DMXL1: variants seen among roughly 807,000 people sequenced by gnomAD.
The protein encoded by DMXL1 is Dmx like 1, also known as dmX-like protein 1.
In DMXL1, 99 loss-of-function variants were observed where a neutral mutation model predicts 319.2. The observed-to-expected ratio is 0.31, with a 90% CI of 0.26 to 0.37. DMXL1 has a LOEUF of 0.37. Among genes scored for constraint, DMXL1 ranks in the 10% least tolerant of loss-of-function variants. The probability of loss-of-function intolerance (pLI) is 1.00; values close to 1 mark genes in which losing one functional copy is unlikely to be tolerated. For synonymous variants in DMXL1, 1,385 were observed against 1,235.2 expected, an observed-to-expected ratio of 1.12 and a Z score of -2.54; for missense variants, 3,745 against 3,595.6, an observed-to-expected ratio of 1.04 and a Z score of -1.06.
At chr5:119,196,279 C>G (rs1480253710) in intron 30 of DMXL1, 92 bp from the exon 31 acceptor site, 3 of 947,872 alleles carry the variant, frequency 3.2e-6, no homozygotes, top group South Asian at 1.3e-5. Flanking sequence ...CAGGTTGATT[C>G]CTGATAGTGG....
rs988314534 is a variant in DMXL1, at chr5:119,248,205, C to T, written c.*986C>T. The T allele has an allele frequency of 6.6e-6, 1 of 152,098 alleles. No homozygotes were observed. Among genetic ancestry groups the T allele is most frequent in the Non-Finnish European group, 1.5e-5 (1 of 67,880 alleles). 9.4% of individuals were successfully genotyped at this position (152,098 alleles called of 1,614,324 possible). A position where few individuals can be genotyped will look rare whatever the true frequency, so the allele number is the denominator to read the frequency against. ...CTTTTAATCTCAAAATTCTGAAAAG[C>T]GAATAGCAGTGTTTTCAGAAACAAA... On this transcript the variant is annotated 3_prime_UTR_variant, in exon 44 of 44. Coordinates refer to ENST00000539542, the MANE Select transcript of DMXL1 (RefSeq NM_001290321.3).
Position 119,125,633 on chromosome 5 carries a change from C to T in DMXL1, c.1103-3578C>T, listed in dbSNP as rs190276330. Among the ~76,000 whole-genome samples, 120 of 151,434 alleles carry T rather than the reference C, an allele frequency of 7.9e-4. 1 individual carries two copies. Among genetic ancestry groups the T allele is most frequent in the East Asian group, 5.7e-3 (29 of 5,124 alleles). ...AGGCTGAAGTGCAATGGTGTGATCT[C>T]GGCTCACAGCAAACTCCACCTCCCG... On this transcript the variant is annotated intron_variant, in intron 9 of 43. Coordinates refer to ENST00000539542, the MANE Select transcript of DMXL1 (RefSeq NM_001290321.3).
intron 19 of DMXL1, among the ~76,000 whole-genome samples, chr5:119,157,564 T>C (rs945920167): frequency 6.6e-6 from 1 of 152,338 alleles, no homozygotes; most frequent in East Asian, 1.9e-4. Flanking sequence ...CCCAGCACCA[T>C]TTTTTGAAGA....
At chr5:119,078,310 C>T (rs1751447474) in intron 1 of DMXL1, among the ~76,000 whole-genome samples, 1 of 152,086 alleles carries the variant, frequency 6.6e-6, no homozygotes, top group African/African-American at 2.4e-5. Context: ...CACAAACTTT[C>T]TAGTATTAAG....
At chr5:119,189,244 A>G (rs969720896) in intron 28 of DMXL1, among the ~76,000 whole-genome samples, 15 of 152,110 alleles carry the variant, frequency 9.9e-5, no homozygotes, top group Non-Finnish European at 1.9e-4. Context: ...ATGGTGCCTG[A>G]ATTTTGTTTA....
chr5:119,186,234 AGT>A (rs1429566391), intron 28 of DMXL1, among the ~76,000 whole-genome samples: 3 of 152,112 alleles, frequency 2.0e-5, no homozygotes, highest in Non-Finnish European at 4.4e-5. Context: ...AGAAATAGAG[AGT>A]GAGACCTGCT....
In DMXL1 at chr5:119,134,196, T is replaced by C. The variant is rs374401744; in HGVS notation, c.2254+18T>C. ...TTGTCTGGGTAAGTATTCTGGTTTTTATTACAGTAATTTAGATTTGCTGAC... is the reference window on the plus strand; with the variant it reads ...TTGTCTGGGTAAGTATTCTGGTTTTCATTACAGTAATTTAGATTTGCTGAC... On this transcript the variant is annotated intron_variant, in intron 12 of 43. Transcript: ENST00000539542. 10 of 1,607,538 alleles carry C rather than the reference T, an allele frequency of 6.2e-6. No individual in the cohort carries two copies. In the African/African-American group the frequency reaches 1.1e-4, roughly 17 times the overall value.
Position 119,113,870 on chromosome 5 carries a change from A to G in DMXL1, c.498-605A>G, listed in dbSNP as rs375068147. Among the ~76,000 whole-genome samples, 139 of 152,328 alleles carry G rather than the reference A, an allele frequency of 9.1e-4. 1 individual carries two copies. Among genetic ancestry groups the G allele is most frequent in the African/African-American group, 3.2e-3 (135 of 41,574 alleles). On this transcript the variant is annotated intron_variant, in intron 5 of 43. Transcript: ENST00000539542. Reference sequence around the variant, plus strand: ...AATAAATTTAGAATTGACCTATCTAATCATGCATTTGAGCAAAGAAAAGGA... The same window carrying G: ...AATAAATTTAGAATTGACCTATCTAGTCATGCATTTGAGCAAAGAAAAGGA...
In DMXL1 at chr5:119,167,816, A is replaced by G; in HGVS notation, c.5350A>G (p.Ser1784Gly). 5 of 1,613,558 alleles carry G rather than the reference A, an allele frequency of 3.1e-6. No individual in the cohort carries two copies. The highest frequency in any genetic ancestry group is 4.5e-5 in the East Asian group (2 of 44,780). Residue 1784 changes from serine to glycine, a missense_variant, in exon 23 of 44, where the codon AGT (serine) becomes GGT (glycine). Transcript: ENST00000539542. ...SMAYWILEDY[S>G]GALETLIKQP... The stretch of plus-strand genomic sequence containing the variant: ...GGCATATTGGATTTTGGAAGATTAT[A>G]GTGGTGCTCTGGAAACATTAATAAA...
chr5:119,170,447 A>C lies in DMXL1; in HGVS notation c.5656A>C (p.Lys1886Gln). The change falls in exon 24 of 44, where the codon AAG (lysine) becomes CAG (glutamine). Residue 1886 changes from lysine to glutamine, a missense_variant. Transcript: ENST00000539542. The part of the protein sequence containing the change: ...EVLSKMPKVI[K>Q]KTRPFYRASS... ...ATTATCAAAGATGCCTAAAGTCATC[A>C]AGAAAACAAGACCTTTTTATAGGGC... The C allele has an allele frequency of 6.2e-7, 1 of 1,613,990 alleles. No homozygotes were observed. Among genetic ancestry groups the C allele is most frequent in the Non-Finnish European group, 8.5e-7 (1 of 1,179,944 alleles).
intron 42 of DMXL1, among the ~76,000 whole-genome samples, chr5:119,241,963 T>C (rs1788907554): frequency 6.6e-6 from 1 of 152,234 alleles, no homozygotes; most frequent in Admixed American, 6.5e-5. Context: ...GTACTTATGA[T>C]TTCATACTGT....
intron 2 of DMXL1, chr5:119,100,667 C>T (rs1187325555): frequency 1.3e-5 from 2 of 150,534 alleles, no homozygotes; most frequent in African/African-American, 2.4e-5. Flanking sequence ...CCTTTTTAGT[C>T]TCAGGTACAC....
In DMXL1 at chr5:119,224,727, A is replaced by C; in HGVS notation, c.8296A>C (p.Asn2766His). The change falls in exon 38 of 44, where the codon AAT becomes CAT. Residue 2766 changes from asparagine (N) to histidine (H), a missense_variant. Asn to His is a moderately conservative substitution (Grantham distance 68). Coordinates refer to ENST00000539542, the MANE Select transcript of DMXL1 (RefSeq NM_001290321.3). ...TTACCAGATGATTAAGAAAGCCATT[A>C]ATAATGTTAGAAGAATGACTTCTCA... ...GASVMIKKAI[N>H]NVRRMTSHPT... The C allele has an allele frequency of 7.6e-7, 1 of 1,317,210 alleles. No individual in the cohort carries two copies. Among genetic ancestry groups the C allele is most frequent in the Non-Finnish European group, 1.0e-6 (1 of 985,614 alleles). The allele number at this position is 1,317,210 out of a possible 1,614,324, so 81.6% of individuals were successfully genotyped here.
intron 41 of DMXL1, among the ~76,000 whole-genome samples, chr5:119,240,126 A>T (rs1363300798): frequency 6.6e-6 from 1 of 152,172 alleles, no homozygotes; most frequent in Admixed American, 6.5e-5. Flanking sequence ...TTAAAAAATT[A>T]GCCAGACATG....
At chr5:119,095,305 A>G (rs1755689230) in intron 1 of DMXL1, among the ~76,000 whole-genome samples, 1 of 152,240 alleles carries the variant, frequency 6.6e-6, no homozygotes, top group South Asian at 2.1e-4. Context: ...TAGATAAGTC[A>G]TTGAATGATG....
At chr5:119,183,331 T>G (rs1038418858) in intron 28 of DMXL1, among the ~76,000 whole-genome samples, 1 of 152,202 alleles carries the variant, frequency 6.6e-6, no homozygotes, top group Non-Finnish European at 1.5e-5. Context: ...CAGAAAAGAC[T>G]TGAGCATATT....
At chr5:119,220,381 G>C in intron 35 of DMXL1, 91 bp from the exon 36 acceptor site, 4 of 1,172,784 alleles carry the variant, frequency 3.4e-6, no homozygotes, top group Non-Finnish European at 4.9e-6. Context: ...CACTGCTAGA[G>C]GTTATTTCAA....
In DMXL1 at chr5:119,170,768, A is replaced by C. The variant is rs200293982; in HGVS notation, c.5977A>C (p.Thr1993Pro). Reference protein sequence around the residue: ...MKELKPLQRKTDKKLDDISSN... With the variant: ...MKELKPLQRKPDKKLDDISSN... ...AGAACTAAAACCTTTACAGAGAAAA[A>C]CAGATAAAAAGTTGGATGACATAAG... The change falls in exon 24 of 44, where the codon ACA (threonine) becomes CCA (proline). Residue 1993 changes from threonine (T) to proline (P), a missense_variant. Thr to Pro is a conservative substitution (Grantham distance 38). Transcript: ENST00000539542. The C allele has an allele frequency of 8.7e-5, 140 of 1,612,296 alleles. No homozygotes were observed. The highest frequency in any genetic ancestry group is 1.6e-4 in the Middle Eastern group (1 of 6,082).
At chr5:119,139,551 G>T (rs1217583756) in intron 13 of DMXL1, among the ~76,000 whole-genome samples, 3 of 152,110 alleles carry the variant, frequency 2.0e-5, no homozygotes, top group Admixed American at 2.0e-4. Context: ...AATGGTAAAG[G>T]GTTCAATTCA....
Sources: allele counts gnomAD v4.1 joint callset (sites outside exome capture counted in the v4.1 genomes callset), GRCh38; gene constraint gnomAD v4.1.1; transcripts MANE v1.5; gene names NCBI Gene and HGNC (gene_info 2026-07-23, HGNC 2026-07-21).